The following SPATA9 variants were observed in gnomAD, a reference collection of about 807,000 sequenced individuals.
SPATA9 encodes spermatogenesis associated 9, also known as spermatogenesis-associated protein 9.
In SPATA9, 27 loss-of-function variants were observed where a neutral mutation model predicts 25.5. The ratio of observed to expected loss-of-function variants is 1.06; its 90% CI spans 0.78 to 1.46. SPATA9 has a LOEUF of 1.46. Ranked by LOEUF, SPATA9 falls within the 40% of genes most tolerant of loss-of-function variation. The pLI, the probability that SPATA9 is intolerant of heterozygous loss-of-function variation, is 0.00. For synonymous variants in SPATA9, 102 were observed against 105.7 expected, an observed-to-expected ratio of 0.97 and a Z score of 0.21; for missense variants, 282 against 297.5, an observed-to-expected ratio of 0.95 and a Z score of 0.38.
chr5:95,684,735 A>G (rs1269771582), upstream of SPATA9: 1 of 152,220 alleles, frequency 6.6e-6, no homozygotes, highest in East Asian at 1.9e-4. Flanking sequence ...AATCTTATGC[A>G]TCTTATGTTA....
At chr5:95,675,773 C>CT in intron 2 of SPATA9, 134 bp from the exon 3 acceptor site, 1 of 576,830 alleles carries the variant, frequency 1.7e-6, no homozygotes, top group Non-Finnish European at 2.9e-6. Flanking sequence ...TCCAATATTT[C>CT]TGTCCCCCCA....
intron 4 of SPATA9, 124 bp from the exon 5 acceptor site, chr5:95,659,037 T>G: frequency 8.2e-7 from 1 of 1,216,448 alleles, no homozygotes; most frequent in Non-Finnish European, 1.1e-6. Flanking sequence ...AAAAAACACT[T>G]CTTTTCAGGA....
At chr5:95,704,267 T>G in the SPATA9 span, among the ~76,000 whole-genome samples, 1 of 152,224 alleles carries the variant, frequency 6.6e-6, no homozygotes, top group East Asian at 1.9e-4. Flanking sequence ...ATTGGAAAAA[T>G]AGCTCTCTGT....
intron 4 of SPATA9, among the ~76,000 whole-genome samples, chr5:95,661,342 T>C (rs1751244167): frequency 6.6e-6 from 1 of 152,130 alleles, no homozygotes; most frequent in African/African-American, 2.4e-5. Flanking sequence ...GTTCCACTCG[T>C]AGGACATTAA....
chr5:95,669,875 A>T (rs1752202583), intron 3 of SPATA9, among the ~76,000 whole-genome samples: 1 of 152,146 alleles, frequency 6.6e-6, no homozygotes, highest in Non-Finnish European at 1.5e-5. Context: ...TCCATTCCTG[A>T]GGCTTTTTAT....
At chr5:95,674,995 T>C (rs1487262889) in intron 3 of SPATA9, among the ~76,000 whole-genome samples, 1 of 152,172 alleles carries the variant, frequency 6.6e-6, no homozygotes, top group Non-Finnish European at 1.5e-5. Context: ...TAACACAGCC[T>C]CAATAAGAAT....
the SPATA9 span, among the ~76,000 whole-genome samples, chr5:95,722,173 T>C: frequency 6.6e-6 from 1 of 152,158 alleles, no homozygotes; most frequent in African/African-American, 2.4e-5. Flanking sequence ...TGGATGGCCA[T>C]AGCAGAGATG....
chr5:95,663,819 T>C (rs1751496579), intron 4 of SPATA9, 134 bp downstream of exon 4: 4 of 470,256 alleles, frequency 8.5e-6, no homozygotes, highest in Non-Finnish European at 1.4e-5. Flanking sequence ...AAATTTTTAA[T>C]ATAAAATTGT....
chr5:95,670,973 C>G (rs1752315893), intron 3 of SPATA9: 1 of 871,648 alleles, frequency 1.1e-6, no homozygotes, highest in Non-Finnish European at 1.4e-6. Context: ...CTGTATACTC[C>G]CCACGTAAAG....
downstream of SPATA9, chr5:95,656,964 A>G (rs1580272599): frequency 6.6e-6 from 1 of 152,208 alleles, no homozygotes; most frequent in East Asian, 1.9e-4. Flanking sequence ...TTACCTGCTG[A>G]ACTTGAAAAT....
Position 95,658,571 on chromosome 5 carries a change from A to C in SPATA9, c.*52T>G. ...ACTAGACTCTGAGTTTTGTCAGATG[A>C]AATGTGCCATTAAATAGATAACTCT... On this transcript the variant is annotated 3_prime_UTR_variant, in exon 5 of 5. Coordinates refer to ENST00000274432, the MANE Select transcript of SPATA9 (RefSeq NM_031952.4). 6.5e-7 allele frequency: 1 copy of C among 1,537,628 alleles called. No homozygotes were observed. The highest frequency in any genetic ancestry group is 8.7e-7 in the Non-Finnish European group (1 of 1,145,934).
At chr5:95,728,611 T>C in the SPATA9 span, among the ~76,000 whole-genome samples, 1 of 152,242 alleles carries the variant, frequency 6.6e-6, no homozygotes, top group Admixed American at 6.5e-5. Context: ...GGAACTAGAA[T>C]GTTTTCAAAA....
chr5:95,722,047 A>C, the SPATA9 span, among the ~76,000 whole-genome samples: 16 of 152,206 alleles, frequency 1.1e-4, no homozygotes, highest in Admixed American at 6.5e-4. Flanking sequence ...TGAGGACCAA[A>C]TGTATTGTGT....
the SPATA9 span, among the ~76,000 whole-genome samples, chr5:95,725,495 C>G: frequency 4.8e-3 from 737 of 152,366 alleles, 2 homozygotes; most frequent in African/African-American, 0.017. Flanking sequence ...CACACACAAG[C>G]GCACGCCTTT....
chr5:95,669,757 CGGACTCAACTCA>C (rs1437666025), intron 3 of SPATA9, among the ~76,000 whole-genome samples: 1 of 152,122 alleles, frequency 6.6e-6, no homozygotes, highest in Non-Finnish European at 1.5e-5. Flanking sequence ...AGAGCAGCTG[CGGACTCAACTCA>C]GGCAGGCAAC....
At chr5:95,712,635 G>T in the SPATA9 span, among the ~76,000 whole-genome samples, 1 of 152,138 alleles carries the variant, frequency 6.6e-6, no homozygotes, top group Non-Finnish European at 1.5e-5. Flanking sequence ...GGTGCCTCAG[G>T]ATGATTCCAG....
chr5:95,670,485 A>T (rs1752268534), intron 3 of SPATA9: 1 of 152,190 alleles, frequency 6.6e-6, no homozygotes, highest in African/African-American at 2.4e-5. Context: ...CATCCAGAAG[A>T]TATTTGAAAG....
chr5:95,661,573 T>G (rs560859866), intron 4 of SPATA9, among the ~76,000 whole-genome samples: 1 of 152,188 alleles, frequency 6.6e-6, no homozygotes, highest in Non-Finnish European at 1.5e-5. Context: ...CATAGACATG[T>G]CATCCTGTTC....
At chr5:95,689,188 A>G (rs1753823426) in intron 1 of SPATA9, among the ~76,000 whole-genome samples, 1 of 152,216 alleles carries the variant, frequency 6.6e-6, no homozygotes, top group African/African-American at 2.4e-5. Flanking sequence ...AACAGACACA[A>G]TAAGAACATT....
Sources: allele counts gnomAD v4.1 joint callset (sites outside exome capture counted in the v4.1 genomes callset), GRCh38; gene constraint gnomAD v4.1.1; transcripts MANE v1.5; gene names NCBI Gene and HGNC (gene_info 2026-07-23, HGNC 2026-07-21).